Variants in JMJD1C observed in about 807,000 individuals in gnomAD.
JMJD1C encodes the protein jumonji domain-containing protein 1C.
JMJD1C carries 31 observed loss-of-function variants against 245.3 expected under a neutral mutation model. That is an observed-to-expected ratio of 0.13 (90% CI 0.09 to 0.17). The LOEUF (loss-of-function observed/expected upper bound fraction) is 0.17, where lower values mean the gene tolerates loss of function less well. Ranked by LOEUF, JMJD1C falls within the 10% of genes least tolerant of loss-of-function variation. The pLI is 1.00. For missense variants in JMJD1C, 2,691 were observed against 3,000.2 expected, an observed-to-expected ratio of 0.90 and a Z score of 2.41; for synonymous variants, 1,057 against 1,017.4, an observed-to-expected ratio of 1.04 and a Z score of -0.74.
chr10:63,193,257 A>AT (rs1845059873), intron 15 of JMJD1C, 88 bp downstream of exon 15: 8 of 1,477,110 alleles, frequency 5.4e-6, no homozygotes, highest in Non-Finnish European at 6.5e-6. Context: ...TAATTCATAC[A>AT]TAAGTCCTAA....
At chr10:63,495,185 C>T (rs1405615321) in intron 1 of JMJD1C, among the ~76,000 whole-genome samples, 2 of 151,724 alleles carry the variant, frequency 1.3e-5, no homozygotes, top group Admixed American at 1.3e-4. Flanking sequence ...CATACCATTT[C>T]TCACTCAAAG....
At chr10:63,252,876 G>C (rs879373860) in intron 3 of JMJD1C, among the ~76,000 whole-genome samples, 6 of 152,168 alleles carry the variant, frequency 3.9e-5, no homozygotes, top group Admixed American at 2.6e-4. Context: ...ATCTGTCTTT[G>C]AGTTCACATT....
intron 3 of JMJD1C, among the ~76,000 whole-genome samples, chr10:63,262,403 C>T (rs1854891002): frequency 1.3e-5 from 2 of 152,106 alleles, no homozygotes; most frequent in South Asian, 4.1e-4. Context: ...AGATAAATGT[C>T]TATCATTTAC....
At chr10:63,328,462 A>C (rs1941779399) in intron 2 of JMJD1C, among the ~76,000 whole-genome samples, 1 of 152,232 alleles carries the variant, frequency 6.6e-6, no homozygotes, top group African/African-American at 2.4e-5. Flanking sequence ...CACACATTTC[A>C]TAAATGAGGT....
chr10:63,464,775 C>G (rs1953074319), intron 1 of JMJD1C, among the ~76,000 whole-genome samples: 1 of 151,802 alleles, frequency 6.6e-6, no homozygotes, highest in Non-Finnish European at 1.5e-5. Flanking sequence ...TATTTAAAAT[C>G]GTATAAAACC....
intron 1 of JMJD1C, among the ~76,000 whole-genome samples, chr10:63,396,119 A>G (rs184221950): frequency 2.6e-5 from 4 of 152,292 alleles, no homozygotes; most frequent in Admixed American, 1.3e-4. Context: ...TATATAAAAA[A>G]GTTAAAAAGT....
chr10:63,357,043 CTT>C (rs976174124), intron 2 of JMJD1C, among the ~76,000 whole-genome samples: 2 of 146,882 alleles, frequency 1.4e-5, no homozygotes, highest in Admixed American at 6.9e-5. Context: ...GACATTATAT[CTT>C]TTTTTTTTTA....
rs1164094569 is a variant in JMJD1C at position 63,327,671 on chromosome 10, A to ATT, written c.333+52646_333+52647insAA. ...TACTGTATCAAGGGTACACAGAAAA[A>ATT]ATTTTTTTTTTTTTGAGATGGAGTT... On this transcript the variant is annotated intron_variant, in intron 2 of 25. Coordinates refer to ENST00000399262, the MANE Select transcript of JMJD1C (RefSeq NM_032776.3). 5.9e-3 allele frequency among the ~76,000 whole-genome samples: 883 copies of ATT among 149,868 alleles called. 10 individuals carry two copies. The highest frequency in any genetic ancestry group is 0.021 in the African/African-American group (848 of 40,860).
chr10:63,441,967 A>G (rs1176540224), intron 1 of JMJD1C, among the ~76,000 whole-genome samples: 1 of 152,238 alleles, frequency 6.6e-6, no homozygotes, highest in Non-Finnish European at 1.5e-5. Context: ...TAAATATTCA[A>G]GAATATTTAT....
At chr10:63,415,163 T>G (rs1360002954) in intron 1 of JMJD1C, among the ~76,000 whole-genome samples, 2 of 152,144 alleles carry the variant, frequency 1.3e-5, no homozygotes, top group African/African-American at 4.8e-5. Context: ...CACTTAAGAA[T>G]AAAATTTTTC....
At chr10:63,258,221 A>G (rs561580035) in intron 3 of JMJD1C, among the ~76,000 whole-genome samples, 1 of 152,350 alleles carries the variant, frequency 6.6e-6, no homozygotes, top group East Asian at 1.9e-4. Context: ...TATTCAGAGC[A>G]GCTGAGACTT....
chr10:63,357,043 CT>C (rs976174124), intron 2 of JMJD1C, among the ~76,000 whole-genome samples: 101 of 146,588 alleles, frequency 6.9e-4, no homozygotes, highest in African/African-American at 7.5e-4. Context: ...GACATTATAT[CT>C]TTTTTTTTTT....
At chr10:63,201,584 G>C (rs1846011441) in intron 10 of JMJD1C, among the ~76,000 whole-genome samples, 1 of 152,064 alleles carries the variant, frequency 6.6e-6, no homozygotes, top group Non-Finnish European at 1.5e-5. Flanking sequence ...GGACCGAGAG[G>C]AACTCCAAAA....
intron 5 of JMJD1C, among the ~76,000 whole-genome samples, chr10:63,216,583 G>A (rs1179968849): frequency 3.9e-5 from 6 of 151,986 alleles, no homozygotes; most frequent in Non-Finnish European, 8.8e-5. Context: ...GGTGGCGGGC[G>A]CCTGTAGTCA....
chr10:63,334,854 C>T (rs772009797), intron 2 of JMJD1C, among the ~76,000 whole-genome samples: 11 of 151,830 alleles, frequency 7.2e-5, no homozygotes, highest in Non-Finnish European at 1.0e-4. Flanking sequence ...ACTACAGGTG[C>T]GCATCACCAC....
chr10:63,418,182 CTA>C (rs1378585296), intron 1 of JMJD1C, among the ~76,000 whole-genome samples: 1 of 152,118 alleles, frequency 6.6e-6, no homozygotes, highest in Non-Finnish European at 1.5e-5. Flanking sequence ...AGCCATACTA[CTA>C]TAGTTTCTCA....
chr10:63,180,789 G>A (rs920052453), intron 22 of JMJD1C, among the ~76,000 whole-genome samples: 11 of 138,482 alleles, frequency 7.9e-5, no homozygotes, highest in African/African-American at 2.4e-4. Context: ...TTTTTTTTGA[G>A]ACGGAGTCTC....
intron 16 of JMJD1C, among the ~76,000 whole-genome samples, chr10:63,191,687 G>A (rs565660482): frequency 2.0e-5 from 3 of 152,066 alleles, no homozygotes; most frequent in Non-Finnish European, 2.9e-5. Flanking sequence ...AAGACAGGTA[G>A]AAAATACAGG....
intron 2 of JMJD1C, among the ~76,000 whole-genome samples, chr10:63,343,864 C>A (rs529446423): frequency 6.6e-6 from 1 of 151,956 alleles, no homozygotes; most frequent in Non-Finnish European, 1.5e-5. Context: ...GTGGCAAAAC[C>A]CTATCTCTAC....
Sources: allele counts gnomAD v4.1 joint callset (sites outside exome capture counted in the v4.1 genomes callset), GRCh38; gene constraint gnomAD v4.1.1; transcripts MANE v1.5; gene names NCBI Gene and HGNC (gene_info 2026-07-23, HGNC 2026-07-21).